KCNK13: variants seen among roughly 807,000 people sequenced by gnomAD.
The protein encoded by KCNK13 is potassium channel subfamily K member 13.
Under a neutral mutation model 23.4 loss-of-function variants are expected in KCNK13, and 12 were observed. The observed-to-expected ratio is 0.51, with a 90% confidence interval of 0.33 to 0.83. The LOEUF is 0.83. Among genes scored for constraint, KCNK13 ranks in the 40% least tolerant of loss-of-function variants. The pLI is 0.02. For missense variants in KCNK13, 463 were observed against 556.3 expected (o/e 0.83, Z 1.69); for synonymous variants, 231 against 229.5 (o/e 1.01, Z -0.06).
At chr14:90,156,404 G>A (rs78320932) in intron 1 of KCNK13, among the ~76,000 whole-genome samples, 5,943 of 152,158 alleles carry the variant, frequency 0.039, 176 homozygotes, top group Middle Eastern at 0.058. Context: ...AGTGACTTAG[G>A]AAGAAAACCA....
intron 1 of KCNK13, among the ~76,000 whole-genome samples, chr14:90,125,765 G>A (rs1254626520): frequency 1.3e-5 from 2 of 151,996 alleles, no homozygotes; most frequent in African/African-American, 4.8e-5. Context: ...GTTCACACCT[G>A]TAATCCCAGC....
chr14:90,177,483 T>C (rs527729238), intron 1 of KCNK13, among the ~76,000 whole-genome samples: 1 of 152,356 alleles, frequency 6.6e-6, no homozygotes, highest in East Asian at 1.9e-4. Flanking sequence ...GGTCCATCTC[T>C]TCCCCCAAGG....
chr14:90,116,392 A>G lies in KCNK13; in HGVS notation c.334+53853A>G, dbSNP rs550232064. Among the ~76,000 whole-genome samples the G allele has an allele frequency of 3.5e-4, 53 of 152,318 alleles. No individual in the cohort carries two copies. The Middle Eastern group carries it at 0.01, about 29-fold the overall frequency. ...AGCATGGCTGTGGTTGAGATTTTCT[A>G]TTGCACAGTTTAGTTATAAACTATC... On this transcript the variant is annotated intron_variant, in intron 1 of 1. Coordinates refer to ENST00000282146, the MANE Select transcript of KCNK13 (RefSeq NM_022054.4).
chr14:90,121,796 T>G lies in KCNK13; in HGVS notation c.334+59257T>G, dbSNP rs971299781. Among the ~76,000 whole-genome samples the G allele has an allele frequency of 7.9e-5, 12 of 152,294 alleles. No homozygotes were observed. In the South Asian group the frequency reaches 8.3e-4, roughly 11 times the overall value. ...GTACAGTGGCACAATCTCAGCTCAC[T>G]GCAACCTCTGCCTCCCAGGTTCAAG... On this transcript the variant is annotated intron_variant, in intron 1 of 1. Transcript: ENST00000282146.
rs57830227 is a variant in KCNK13 at position 90,126,531 on chromosome 14, CTTGTTGTTG to C, written c.335-57565_335-57557del. Among the ~76,000 whole-genome samples, 15 of 150,632 alleles carry C rather than the reference CTTGTTGTTG, an allele frequency of 1.0e-4. No homozygotes were observed. In the East Asian group the frequency reaches 2.5e-3, roughly 26 times the overall value. On this transcript the variant is annotated intron_variant, in intron 1 of 1. Transcript: ENST00000282146. ...CTTTCCCAAAACCCATGACTCTATT[CTTGTTGTTG>C]TTGTTGTTGTTGTTATTTTCTGAGA...
At chr14:90,085,750 T>C (rs940136213) in intron 1 of KCNK13, among the ~76,000 whole-genome samples, 7 of 132,950 alleles carry the variant, frequency 5.3e-5, no homozygotes, top group Non-Finnish European at 1.1e-4. Flanking sequence ...TATATAATTA[T>C]ATATTATATA....
chr14:90,110,738 G>A lies in KCNK13; in HGVS notation c.334+48199G>A, dbSNP rs573294755. On this transcript the variant is annotated intron_variant, in intron 1 of 1. Transcript: ENST00000282146. ...ATATGCATATCCCTGGCCAAGTGCG[G>A]TGGCTCACACCTGTAATCCCAGCAC... Among the ~76,000 whole-genome samples the A allele has an allele frequency of 2.6e-5, 4 of 152,136 alleles. No individual in the cohort carries two copies. The South Asian group carries it at 8.3e-4, about 32-fold the overall frequency.
intron 1 of KCNK13, among the ~76,000 whole-genome samples, chr14:90,070,315 A>T (rs1167838465): frequency 6.6e-6 from 1 of 152,216 alleles, no homozygotes; most frequent in Non-Finnish European, 1.5e-5. Flanking sequence ...TCTCCTTATA[A>T]TTAATAGCTC....
At chr14:90,177,000 C>A (rs762571517) in intron 1 of KCNK13, among the ~76,000 whole-genome samples, 1 of 151,984 alleles carries the variant, frequency 6.6e-6, no homozygotes, top group African/African-American at 2.4e-5. Context: ...AGCCTTGCGA[C>A]AGAGCGGGAC....
At chr14:90,135,298 G>C (rs867080843) in intron 1 of KCNK13, among the ~76,000 whole-genome samples, 1 of 152,136 alleles carries the variant, frequency 6.6e-6, no homozygotes, top group Admixed American at 6.5e-5. Context: ...GCCGTCAAGC[G>C]TCTCCTTGGG....
intron 1 of KCNK13, among the ~76,000 whole-genome samples, chr14:90,082,900 C>T (rs1008966054): frequency 6.6e-5 from 10 of 152,076 alleles, no homozygotes; most frequent in Admixed American, 2.6e-4. Context: ...ATATTCCCAC[C>T]GACAGTGTAC....
intron 1 of KCNK13, among the ~76,000 whole-genome samples, chr14:90,102,213 C>T (rs890149930): frequency 1.1e-4 from 17 of 152,076 alleles, no homozygotes; most frequent in Non-Finnish European, 7.4e-5. Context: ...AAGAAATCCC[C>T]CCATTGAAAT....
At chr14:90,146,749 G>T (rs565771191) in intron 1 of KCNK13, among the ~76,000 whole-genome samples, 208 of 151,974 alleles carry the variant, frequency 1.4e-3, no homozygotes, top group African/African-American at 4.7e-3. Flanking sequence ...TTCAAATTTG[G>T]TGTTCAAAGG....
At chr14:90,143,347 C>T (rs3908012) in intron 1 of KCNK13, among the ~76,000 whole-genome samples, 43,630 of 151,262 alleles carry the variant, frequency 0.29, 6,927 homozygotes, top group Non-Finnish European at 0.37. Flanking sequence ...TGCTGGGATT[C>T]GCAGCTTTTC....
At chr14:90,098,817 G>A (rs550913759) in intron 1 of KCNK13, among the ~76,000 whole-genome samples, 206 of 152,208 alleles carry the variant, frequency 1.4e-3, no homozygotes, top group African/African-American at 4.7e-3. Flanking sequence ...GGTGGCTCAC[G>A]CCTGTAATCC....
At chr14:90,087,247 A>G (rs1457938620) in intron 1 of KCNK13, among the ~76,000 whole-genome samples, 1 of 150,652 alleles carries the variant, frequency 6.6e-6, no homozygotes, top group Non-Finnish European at 1.5e-5. Flanking sequence ...CAGCCTTTCA[A>G]AGTGCTGGGA....
At chr14:90,132,543 C>CAA (rs397853239) in intron 1 of KCNK13, among the ~76,000 whole-genome samples, 2,011 of 83,942 alleles carry the variant, frequency 0.024, 51 homozygotes, top group African/African-American at 0.08. Context: ...GACTCTGTCT[C>CAA]AAAAAAAAAA....
At chr14:90,138,243 A>G (rs1368838651) in intron 1 of KCNK13, among the ~76,000 whole-genome samples, 1 of 152,256 alleles carries the variant, frequency 6.6e-6, no homozygotes, top group Non-Finnish European at 1.5e-5. Context: ...TCAGAAATAT[A>G]TCAAGTATAA....
rs773945796 is a variant in KCNK13 at position 90,184,676 on chromosome 14, G to A, written c.900G>A (p.Pro300=). ...GGAAAATGGACAGCGGGTGCTGCCCGCAATGCCAGAGAGGACTCTTGCGAT... is the reference window on the plus strand; with the variant it reads ...GGAAAATGGACAGCGGGTGCTGCCCACAATGCCAGAGAGGACTCTTGCGAT... ...ILRKMDSGCC[P]QCQRGLLRSR... Residue 300 remains proline (P), a synonymous_variant, in exon 2 of 2, where the codon CCG becomes CCA. Coordinates refer to ENST00000282146, the MANE Select transcript of KCNK13 (RefSeq NM_022054.4). The surrounding 1 kb of genome is among the most constrained non-coding windows in gnomAD (Gnocchi z 5.6). The A allele has an allele frequency of 8.1e-6, 13 of 1,614,228 alleles. No individual in the cohort carries two copies. Among genetic ancestry groups the A allele is most frequent in the African/African-American group, 4.0e-5 (3 of 75,060 alleles).
Sources: gnomAD v4.1 joint callset for allele counts (sites outside exome capture counted in the v4.1 genomes callset) on GRCh38, gnomAD v4.1.1 for gene constraint, Gnocchi (gnomAD v3.1) non-coding constraint, MANE v1.5 for transcripts, NCBI Gene and HGNC (gene_info 2026-07-23, HGNC 2026-07-21) for gene names.